Variants in NBPF26 observed in about 807,000 individuals in gnomAD.
NBPF26 encodes NBPF family member NBPF26.
A neutral mutation model predicts 119.6 loss-of-function variants in NBPF26; 79 were observed. The ratio of observed to expected loss-of-function variants is 0.66; its 90% CI spans 0.55 to 0.80. NBPF26 has a LOEUF of 0.80. Among genes scored for constraint, NBPF26 ranks in the 30% least tolerant of loss-of-function variants. NBPF26 has a pLI of 0.00. For synonymous variants in NBPF26, 299 were observed against 457.7 expected, an observed-to-expected ratio of 0.65 and a Z score of 4.43; for missense variants, 800 against 1,198.2, an observed-to-expected ratio of 0.67 and a Z score of 4.91.
intron 1 of NBPF26, among the ~76,000 whole-genome samples, chr1:120,759,854 T>G (rs1651114805): frequency 1.8e-5 from 2 of 113,202 alleles, no homozygotes; most frequent in Non-Finnish European, 3.3e-5. Context: ...TTAGCAATTT[T>G]GAAATGTACA....
chr1:120,764,168 A>G (rs1258350041), intron 2 of NBPF26, among the ~76,000 whole-genome samples: 1 of 113,348 alleles, frequency 8.8e-6, no homozygotes, highest in Non-Finnish European at 1.7e-5. Context: ...AGTGACTTGA[A>G]CCCAGGAGGC....
rs1403425227 is a variant in NBPF26, at chr1:120,789,962, T to C, written c.416-3199T>C. 3.5e-3 allele frequency among the ~76,000 whole-genome samples: 313 copies of C among 88,284 alleles called. 70 individuals are homozygous for C. The highest frequency in any genetic ancestry group is 7.9e-3 in the Admixed American group (72 of 9,158). The allele number at this position is 88,284 out of a possible 152,430, so 57.9% of individuals were successfully genotyped here. A position where few individuals can be genotyped will look rare whatever the true frequency, so the allele number is the denominator to read the frequency against. On this transcript the variant is annotated intron_variant, in intron 3 of 29. Coordinates refer to ENST00000620612, the Ensembl canonical transcript of NBPF26. Reference sequence around the variant, plus strand: ...GTCCCAAATTAAAACTTCTTCCTTGTTGTTAAGAAGGATCTCTTCTTGGTG... The same window carrying C: ...GTCCCAAATTAAAACTTCTTCCTTGCTGTTAAGAAGGATCTCTTCTTGGTG...
At chr1:120,812,908 GC>G (rs1254924900) in intron 10 of NBPF26, among the ~76,000 whole-genome samples, 2 of 104,854 alleles carry the variant, frequency 1.9e-5, no homozygotes, top group Admixed American at 1.9e-4. Context: ...GGGCGACAGG[GC>G]AAGACTGCTA....
chr1:120,822,992 C>G lies in NBPF26; in HGVS notation c.2588-317C>G. ...TGAGAAAAGCCTAATATTGAAGTAT[C>G]TCTCCTATGAGGTGTTAGAACTATT... On this transcript the variant is annotated intron_variant, in intron 16 of 29. Transcript: ENST00000620612. Among the ~76,000 whole-genome samples, 2 of 125,720 alleles carry G rather than the reference C, an allele frequency of 1.6e-5. 1 individual carries two copies. 82.5% of individuals were successfully genotyped at this position (125,720 alleles called of 152,430 possible).
Position 120,724,196 on chromosome 1 carries a change from G to T in NBPF26, c.19G>T (p.Ala7Ser). ...CGAGAAGATGCCCGCCCTGCGTCCC[G>T]CTCTGCTGTGGGCGCTGCTGGCGCT... The change falls in exon 1 of 30, where the codon GCT becomes TCT. Residue 7 changes from alanine to serine, a missense_variant. By Grantham distance (99) the Ala-to-Ser change is moderately conservative. This residue lies in a region of NBPF26 where 209 missense variants were observed against 285.2 expected (regional missense o/e 0.73). Transcript: ENST00000620612. 2 of 1,402,230 alleles carry T rather than the reference G, an allele frequency of 1.4e-6. 1 individual carries two copies. Among genetic ancestry groups the T allele is most frequent in the East Asian group, 4.9e-5 (2 of 41,002 alleles). The allele number at this position is 1,402,230 out of a possible 1,614,324, so 86.9% of individuals were successfully genotyped here. A position where few individuals can be genotyped will look rare whatever the true frequency, so the allele number is the denominator to read the frequency against.
chr1:120,833,218 T>C (rs1202099562), intron 23 of NBPF26, among the ~76,000 whole-genome samples: 7 of 116,850 alleles, frequency 6.0e-5, no homozygotes, highest in Non-Finnish European at 1.0e-4. Flanking sequence ...TCATGGCCAC[T>C]GCATCGAATT....
chr1:120,752,759 A>G (rs1651040276), intron 1 of NBPF26, among the ~76,000 whole-genome samples: 1 of 48,906 alleles, frequency 2.0e-5, no homozygotes, highest in Non-Finnish European at 3.3e-5. Flanking sequence ...TACTTTTAGT[A>G]GAGATGTGGT....
chr1:120,765,245 A>G (rs1651178419), intron 2 of NBPF26, among the ~76,000 whole-genome samples: 1 of 101,210 alleles, frequency 9.9e-6, no homozygotes, highest in African/African-American at 5.4e-5. Flanking sequence ...TTAATACCTT[A>G]GAGTAGGCCA....
chr1:120,838,488 C>A, intron 27 of NBPF26, among the ~76,000 whole-genome samples: 1 of 68,590 alleles, frequency 1.5e-5, no homozygotes, highest in South Asian at 6.9e-4. Flanking sequence ...TCACTGAGCT[C>A]GTTCTCTCTC....
chr1:120,840,511 T>C, exon 30 of NBPF26: 1 of 1,475,904 alleles, frequency 6.8e-7, no homozygotes, highest in Non-Finnish European at 9.2e-7. Flanking sequence ...AGCTTCGCCC[T>C]TTACGTGGAC....
chr1:120,820,460 A>ATATATGTATATATATATG (rs1652108549), intron 15 of NBPF26, among the ~76,000 whole-genome samples: 32 of 16,898 alleles, frequency 1.9e-3, no homozygotes, highest in African/African-American at 7.4e-3. Flanking sequence ...ATATATATAT[A>ATATATGTATATATATATG]TATATATATA....
rs1261829010 is a variant in NBPF26 at position 120,822,877 on chromosome 1, T to A, written c.2588-432T>A. 1.7e-5 allele frequency among the ~76,000 whole-genome samples: 2 copies of A among 120,894 alleles called. 1 individual carries two copies. The highest frequency in any genetic ancestry group is 3.3e-5 in the Non-Finnish European group (2 of 60,932). The allele number at this position is 120,894 out of a possible 152,430, so 79.3% of individuals were successfully genotyped here. A position where few individuals can be genotyped will look rare whatever the true frequency, so the allele number is the denominator to read the frequency against. On this transcript the variant is annotated intron_variant, in intron 16 of 29. Coordinates refer to ENST00000620612, the Ensembl canonical transcript of NBPF26. ...CTGATGCTTCTGTGTAGAACCAAGT[T>A]TCATTTTGACTCAAGAGCTGGTACA...
Position 120,811,573 on chromosome 1 carries a change from G to A in NBPF26, c.1565-313G>A, listed in dbSNP as rs1414773242. On this transcript the variant is annotated intron_variant, in intron 9 of 29. Transcript: ENST00000620612. ...CAAAAAAACCAAAAAAGAAAATTAAGCAAAACGAAATCTTTTGTGCTACAC... is the reference window on the plus strand; with the variant it reads ...CAAAAAAACCAAAAAAGAAAATTAAACAAAACGAAATCTTTTGTGCTACAC... Among the ~76,000 whole-genome samples, 2 of 112,950 alleles carry A rather than the reference G, an allele frequency of 1.8e-5. 1 individual carries two copies. Among genetic ancestry groups the A allele is most frequent in the African/African-American group, 1.0e-4 (2 of 19,642 alleles). The allele number at this position is 112,950 out of a possible 152,430, so 74.1% of individuals were successfully genotyped here.
rs1240711071 is a variant in NBPF26, at chr1:120,790,095, A to G, written c.416-3066A>G. Among the ~76,000 whole-genome samples the G allele has an allele frequency of 4.6e-5, 4 of 87,650 alleles. No individual in the cohort carries two copies. The East Asian group carries it at 1.0e-3, about 23-fold the overall frequency. The allele number at this position is 87,650 out of a possible 152,430, so 57.5% of individuals were successfully genotyped here. ...GCAGGGCGCAATCTCGGTTCACTGCAAGTTCCACCTCCCGGGTTCACGCCA... is the reference window on the plus strand; with the variant it reads ...GCAGGGCGCAATCTCGGTTCACTGCGAGTTCCACCTCCCGGGTTCACGCCA... On this transcript the variant is annotated intron_variant, in intron 3 of 29. Transcript: ENST00000620612.
At position 120,800,536 on chromosome 1, in the gene NBPF26, G is replaced by A. The variant is rs1466862150; in HGVS notation, c.752-5020G>A. ...AGGAGCAGAATTGCTGCCTCAGATG[G>A]TAATGCTGTTTAACCTTTTCAGGAA... On this transcript the variant is annotated intron_variant, in intron 4 of 29. Transcript: ENST00000620612. 1.7e-4 allele frequency among the ~76,000 whole-genome samples: 5 copies of A among 29,962 alleles called. 2 individuals carry two copies. The highest frequency in any genetic ancestry group is 8.2e-4 in the Admixed American group (3 of 3,644). 19.7% of individuals were successfully genotyped at this position (29,962 alleles called of 152,430 possible). A position where few individuals can be genotyped will look rare whatever the true frequency, so the allele number is the denominator to read the frequency against.
In NBPF26 at chr1:120,840,191, C is replaced by G. The variant is rs1302825896; in HGVS notation, c.4104-159C>G. 9.6e-5 allele frequency among the ~76,000 whole-genome samples: 9 copies of G among 93,608 alleles called. 2 individuals are homozygous for G. In the South Asian group the frequency reaches 1.6e-3, roughly 17 times the overall value. The allele number at this position is 93,608 out of a possible 152,430, so 61.4% of individuals were successfully genotyped here. A position where few individuals can be genotyped will look rare whatever the true frequency, so the allele number is the denominator to read the frequency against. On this transcript the variant is annotated intron_variant, in intron 29 of 29. Coordinates refer to ENST00000620612, the Ensembl canonical transcript of NBPF26. Reference sequence around the variant, plus strand: ...TCATTGTTTTCTACCTGGCCCTGTTCTATCCCAACATAAAGGCAATAAATT... The same window carrying G: ...TCATTGTTTTCTACCTGGCCCTGTTGTATCCCAACATAAAGGCAATAAATT...
At position 120,763,583 on chromosome 1, in the gene NBPF26, A is replaced by G. The variant is rs1341307125; in HGVS notation, c.74-45A>G. On this transcript the variant is annotated intron_variant, in intron 1 of 29. Transcript: ENST00000620612. ...TACACTTCTTTGGTGTCTGAGGGTT[A>G]TGATTAGTGACTTACTTCTAATGTG... 8.5e-5 allele frequency: 71 copies of G among 832,920 alleles called. 17 individuals are homozygous for G. Among genetic ancestry groups the G allele is most frequent in the Non-Finnish European group, 1.5e-5 (8 of 541,012 alleles). The allele number at this position is 832,920 out of a possible 1,614,324, so 51.6% of individuals were successfully genotyped here. A position where few individuals can be genotyped will look rare whatever the true frequency, so the allele number is the denominator to read the frequency against.
chr1:120,750,763 GTTC>G lies in NBPF26; in HGVS notation c.74-12859_74-12857del, dbSNP rs1459593716. 2.8e-4 allele frequency among the ~76,000 whole-genome samples: 31 copies of G among 112,566 alleles called. 7 individuals are homozygous for G. Among genetic ancestry groups the G allele is most frequent in the African/African-American group, 8.8e-4 (16 of 18,250 alleles). The allele number at this position is 112,566 out of a possible 152,430, so 73.8% of individuals were successfully genotyped here. A position where few individuals can be genotyped will look rare whatever the true frequency, so the allele number is the denominator to read the frequency against. ...TCACTGTGCTCAAATTTATAAACTT[GTTC>G]TTCTTAACAATTTTAAAGCCAGATT... On this transcript the variant is annotated intron_variant, in intron 1 of 29. Coordinates refer to ENST00000620612, the Ensembl canonical transcript of NBPF26.
At chr1:120,829,411 C>CT (rs1396606610) in intron 18 of NBPF26, among the ~76,000 whole-genome samples, 1 of 80,950 alleles carries the variant, frequency 1.2e-5, no homozygotes, top group Non-Finnish European at 2.1e-5. Flanking sequence ...CATGAACAAT[C>CT]TGAGTATTTG....
Sources: allele counts gnomAD v4.1 joint callset (sites outside exome capture counted in the v4.1 genomes callset), GRCh38; gene constraint gnomAD v4.1.1; regional missense constraint gnomAD v4.1.1; transcripts MANE v1.5; gene names NCBI Gene and HGNC (gene_info 2026-07-23, HGNC 2026-07-21).